The following VWC2L variants were observed in gnomAD, a reference collection of about 807,000 sequenced individuals.
The protein encoded by VWC2L is von Willebrand factor C domain containing 2 like.
A neutral mutation model predicts 21.6 loss-of-function variants in VWC2L; 10 were observed. The ratio of observed to expected loss-of-function variants is 0.46; its 90% CI spans 0.29 to 0.78. VWC2L has a LOEUF of 0.78. Ranked by LOEUF, VWC2L falls within the 30% of genes least tolerant of loss-of-function variation. VWC2L has a pLI of 0.10. For missense variants in VWC2L, 209 were observed against 277.1 expected (o/e 0.75, Z 1.74); for synonymous variants, 96 against 94.3 (o/e 1.02, Z -0.10).
At chr2:214,539,708 ACAGCTAATATTT>A (rs1159974096) in intron 3 of VWC2L, among the ~76,000 whole-genome samples, 1 of 152,140 alleles carries the variant, frequency 6.6e-6, no homozygotes, top group African/African-American at 2.4e-5. Flanking sequence ...TAAACTTTTA[ACAGCTAATATTT>A]CAACAAAGAC....
chr2:214,486,738 C>T (rs1688678021), intron 3 of VWC2L, among the ~76,000 whole-genome samples: 1 of 152,160 alleles, frequency 6.6e-6, no homozygotes, highest in African/African-American at 2.4e-5. Flanking sequence ...ATCACTGGGT[C>T]TGCCTAAAGC....
intron 3 of VWC2L, among the ~76,000 whole-genome samples, chr2:214,509,123 C>T (rs921612899): frequency 2.6e-5 from 4 of 152,166 alleles, no homozygotes; most frequent in African/African-American, 9.7e-5. Context: ...AGGCTTGAGC[C>T]TCTTTCCCTT....
chr2:214,428,627 T>A (rs1415080915), intron 2 of VWC2L, among the ~76,000 whole-genome samples: 3 of 152,186 alleles, frequency 2.0e-5, no homozygotes, highest in African/African-American at 7.2e-5. Flanking sequence ...AATAATGAAC[T>A]ATCAAATTCA....
intron 2 of VWC2L, among the ~76,000 whole-genome samples, chr2:214,418,550 G>A (rs547050225): frequency 5.3e-5 from 8 of 152,090 alleles, no homozygotes; most frequent in Admixed American, 1.3e-4. Flanking sequence ...GAAACCACTC[G>A]TCTCTTCCAT....
chr2:214,517,795 G>A (rs564165729), intron 3 of VWC2L, among the ~76,000 whole-genome samples: 2 of 152,302 alleles, frequency 1.3e-5, no homozygotes, highest in African/African-American at 4.8e-5. Flanking sequence ...CATTTATAAA[G>A]TACTACTTAA....
chr2:214,486,638 A>G (rs1476231377), intron 3 of VWC2L, among the ~76,000 whole-genome samples: 1 of 152,146 alleles, frequency 6.6e-6, no homozygotes, highest in African/African-American at 2.4e-5. Flanking sequence ...AGATCTCTAT[A>G]TATCTAAGAA....
intron 3 of VWC2L, among the ~76,000 whole-genome samples, chr2:214,497,655 CTCTT>C (rs576825232): frequency 3.3e-5 from 5 of 152,190 alleles, no homozygotes; most frequent in East Asian, 3.8e-4. Context: ...TAAATTCACT[CTCTT>C]TATCAGTGTT....
intron 3 of VWC2L, among the ~76,000 whole-genome samples, chr2:214,511,068 C>T (rs1689043788): frequency 6.6e-6 from 1 of 152,142 alleles, no homozygotes; most frequent in South Asian, 2.1e-4. Flanking sequence ...GGAAGGATCA[C>T]TTGAGCTTAA....
intron 3 of VWC2L, among the ~76,000 whole-genome samples, chr2:214,523,069 A>T (rs1428021484): frequency 1.3e-5 from 2 of 152,200 alleles, no homozygotes; most frequent in Non-Finnish European, 2.9e-5. Context: ...GAGAGAAATA[A>T]CTTTTTATAA....
chr2:214,505,674 T>G (rs1408966113), intron 3 of VWC2L, among the ~76,000 whole-genome samples: 1 of 152,208 alleles, frequency 6.6e-6, no homozygotes. Context: ...TAAGAAAATT[T>G]TAACTGTCTT....
chr2:214,498,750 G>A (rs533265695), intron 3 of VWC2L, among the ~76,000 whole-genome samples: 144 of 146,674 alleles, frequency 9.8e-4, no homozygotes, highest in Middle Eastern at 6.7e-3. Flanking sequence ...TTTTATATGT[G>A]TATATATATT....
rs1219324489 is a variant in VWC2L, at chr2:214,459,125, A to T, written c.520+22367A>T. ...TGGTGCACATGTGTTTAGAATTGTT[A>T]TATCTTGTTGCTGAATTGATCTCTT... On this transcript the variant is annotated intron_variant, in intron 3 of 3. Coordinates refer to ENST00000312504, the MANE Select transcript of VWC2L (RefSeq NM_001080500.4). Among the ~76,000 whole-genome samples, 6 of 152,086 alleles carry T rather than the reference A, an allele frequency of 3.9e-5. No homozygotes were observed. The East Asian group carries it at 1.2e-3, about 29-fold the overall frequency.
chr2:214,498,816 G>A (rs1421126262), intron 3 of VWC2L, among the ~76,000 whole-genome samples: 1 of 150,282 alleles, frequency 6.7e-6, no homozygotes. Flanking sequence ...CCACTGGATT[G>A]TGTATATATG....
chr2:214,549,102 C>A lies in VWC2L; in HGVS notation c.521-26570C>A, dbSNP rs1421461572. On this transcript the variant is annotated intron_variant, in intron 3 of 3. Coordinates refer to ENST00000312504, the MANE Select transcript of VWC2L (RefSeq NM_001080500.4). ...TCGGCTCAAGACTGTTTTGTCTCATCCCTCCAGCTCCTTGCTTTCTTCCCC... is the reference window on the plus strand; with the variant it reads ...TCGGCTCAAGACTGTTTTGTCTCATACCTCCAGCTCCTTGCTTTCTTCCCC... 3.3e-5 allele frequency among the ~76,000 whole-genome samples: 5 copies of A among 152,284 alleles called. No homozygotes were observed. In the East Asian group the frequency reaches 7.7e-4, roughly 24 times the overall value.
rs750961968 is a variant in VWC2L, at chr2:214,508,770, A to G, written c.521-66902A>G. The stretch of plus-strand genomic sequence containing the variant: ...TGTAATAGCCTATTCTTTTTCAATG[A>G]AGATTTTGGGGCAATTTTGTGTTTT... On this transcript the variant is annotated intron_variant, in intron 3 of 3. Transcript: ENST00000312504. Among the ~76,000 whole-genome samples the G allele has an allele frequency of 2.6e-5, 4 of 152,072 alleles. 1 individual carries two copies. Among genetic ancestry groups the G allele is most frequent in the Non-Finnish European group, 5.9e-5 (4 of 68,018 alleles).
chr2:214,421,930 C>T (rs571526126), intron 2 of VWC2L, among the ~76,000 whole-genome samples: 1,129 of 90,510 alleles, frequency 0.012, 13 homozygotes, highest in Non-Finnish European at 0.016. Flanking sequence ...TTCGCTCTGT[C>T]GCCCAGGCTG....
At chr2:214,462,459 A>G (rs941505302) in intron 3 of VWC2L, among the ~76,000 whole-genome samples, 1 of 152,210 alleles carries the variant, frequency 6.6e-6, no homozygotes, top group Non-Finnish European at 1.5e-5. Flanking sequence ...TTAGATGCTT[A>G]TTTAAAATGT....
chr2:214,515,620 C>T (rs2105908155), intron 3 of VWC2L, among the ~76,000 whole-genome samples: 1 of 152,314 alleles, frequency 6.6e-6, no homozygotes, highest in Admixed American at 6.5e-5. Flanking sequence ...ATGGCACAAT[C>T]TTGGCTCACT....
chr2:214,552,299 C>CA, intron 3 of VWC2L, among the ~76,000 whole-genome samples: 1 of 152,198 alleles, frequency 6.6e-6, no homozygotes, highest in East Asian at 1.9e-4. Context: ...AATACCAAAC[C>CA]AGTAAGTCCT....
Sources: allele counts gnomAD v4.1 joint callset (sites outside exome capture counted in the v4.1 genomes callset), GRCh38; gene constraint gnomAD v4.1.1; transcripts MANE v1.5; gene names NCBI Gene and HGNC (gene_info 2026-07-23, HGNC 2026-07-21).